Variants in CAMTA1 observed in about 807,000 individuals in gnomAD.
The protein encoded by CAMTA1 is calmodulin-binding transcription activator 1.
CAMTA1 carries 27 observed loss-of-function variants against 170.9 expected under a neutral mutation model. The observed-to-expected ratio is 0.16, with a 90% CI of 0.12 to 0.22. The LOEUF (loss-of-function observed/expected upper bound fraction) is 0.22, where lower values mean the gene tolerates loss of function less well. Among genes scored for constraint, CAMTA1 ranks in the 10% least tolerant of loss-of-function variants. The pLI is 1.00. For missense variants in CAMTA1, 1,619 were observed against 2,217.2 expected, an observed-to-expected ratio of 0.73 and a Z score of 5.42; for synonymous variants, 833 against 891.5, an observed-to-expected ratio of 0.93 and a Z score of 1.17.
intron 11 of CAMTA1, among the ~76,000 whole-genome samples, chr1:7,703,979 G>T (rs1380645396): frequency 1.3e-5 from 2 of 152,042 alleles, no homozygotes; most frequent in African/African-American, 4.8e-5. Context: ...CAGCTAAGGG[G>T]GCCCAGCGCC....
At chr1:7,453,466 C>T (rs1352385848) in intron 5 of CAMTA1, among the ~76,000 whole-genome samples, 2 of 152,232 alleles carry the variant, frequency 1.3e-5, no homozygotes, top group African/African-American at 2.4e-5. Flanking sequence ...CCAATCCTTC[C>T]AGGCCTTTCC....
At chr1:7,663,211 G>T in intron 8 of CAMTA1, 142 bp from the exon 9 acceptor site, 2 of 1,109,722 alleles carry the variant, frequency 1.8e-6, no homozygotes, top group South Asian at 4.3e-5. Flanking sequence ...CTGGGGTACC[G>T]GGCCTGGACT....
At chr1:7,263,423 G>T (rs547252563) in intron 5 of CAMTA1, among the ~76,000 whole-genome samples, 1 of 152,204 alleles carries the variant, frequency 6.6e-6, no homozygotes, top group Non-Finnish European at 1.5e-5. Flanking sequence ...GCAAAGCAAC[G>T]CTTTTTACAC....
intron 3 of CAMTA1, among the ~76,000 whole-genome samples, chr1:6,984,413 G>A (rs1305845975): frequency 6.6e-6 from 1 of 152,068 alleles, no homozygotes; most frequent in African/African-American, 2.4e-5. Flanking sequence ...AGGAGTTTGA[G>A]ACCAGCCTGG....
At chr1:7,160,550 C>A (rs1235477115) in intron 4 of CAMTA1, among the ~76,000 whole-genome samples, 2 of 152,112 alleles carry the variant, frequency 1.3e-5, no homozygotes. Flanking sequence ...ACTCCCTGAC[C>A]ACCTTCTCTC....
intron 3 of CAMTA1, among the ~76,000 whole-genome samples, chr1:6,928,519 C>T (rs1683775633): frequency 6.6e-6 from 1 of 152,096 alleles, no homozygotes; most frequent in Admixed American, 6.5e-5. Context: ...TACCTTTATT[C>T]CCATCTGCCC....
chr1:7,120,673 G>A (rs1359440454), intron 4 of CAMTA1, among the ~76,000 whole-genome samples: 1 of 152,168 alleles, frequency 6.6e-6, no homozygotes, highest in Non-Finnish European at 1.5e-5. Flanking sequence ...AACGCAGGGG[G>A]GATCTTAGGC....
At chr1:7,269,850 G>C (rs890463768) in intron 5 of CAMTA1, among the ~76,000 whole-genome samples, 5 of 152,176 alleles carry the variant, frequency 3.3e-5, no homozygotes, top group Non-Finnish European at 7.4e-5. Flanking sequence ...TGAAACTAAA[G>C]AGTCACAGAT....
intron 3 of CAMTA1, among the ~76,000 whole-genome samples, chr1:6,939,399 A>C (rs1686027122): frequency 6.6e-6 from 1 of 152,266 alleles, no homozygotes; most frequent in East Asian, 1.9e-4. Flanking sequence ...GCCTCAGTCC[A>C]GAATGTAGAA....
intron 4 of CAMTA1, among the ~76,000 whole-genome samples, chr1:7,230,608 C>A (rs532784079): frequency 6.6e-5 from 10 of 152,132 alleles, no homozygotes; most frequent in Non-Finnish European, 1.3e-4. Flanking sequence ...CTTAGGTGTG[C>A]GAGAAAATCA....
chr1:7,281,449 A>T (rs1671493407), intron 5 of CAMTA1, among the ~76,000 whole-genome samples: 1 of 152,232 alleles, frequency 6.6e-6, no homozygotes, highest in African/African-American at 2.4e-5. Flanking sequence ...CATCCCCTTG[A>T]ATTTGAATCT....
At chr1:7,739,178 A>C (rs1294838158) in intron 16 of CAMTA1, among the ~76,000 whole-genome samples, 1 of 151,626 alleles carries the variant, frequency 6.6e-6, no homozygotes, top group Non-Finnish European at 1.5e-5. Flanking sequence ...TCTCTTTCCA[A>C]CTTCCCATTG....
In CAMTA1 at chr1:7,366,977, TCTC is replaced by T. The variant is rs200689288; in HGVS notation, c.439-100849_439-100847del. Among the ~76,000 whole-genome samples, 1,153 of 152,186 alleles carry T rather than the reference TCTC, an allele frequency of 7.6e-3. 9 individuals are homozygous for T. Among genetic ancestry groups the T allele is most frequent in the Middle Eastern group, 0.024 (7 of 292 alleles). On this transcript the variant is annotated intron_variant, in intron 5 of 22. Coordinates refer to ENST00000303635, the MANE Select transcript of CAMTA1 (RefSeq NM_015215.4). The stretch of plus-strand genomic sequence containing the variant: ...TTGGCTTCACTCTGGGGCCTTCCCT[TCTC>T]CTCACCCCAGGGCTCCTGCTGCCTC...
intron 3 of CAMTA1, among the ~76,000 whole-genome samples, chr1:7,006,826 C>T (rs1699067594): frequency 6.6e-6 from 1 of 152,116 alleles, no homozygotes; most frequent in Admixed American, 6.5e-5. Context: ...TCTATGATTT[C>T]CCCCTTAACC....
intron 4 of CAMTA1, among the ~76,000 whole-genome samples, chr1:7,186,642 G>A (rs1037579997): frequency 2.6e-5 from 4 of 152,166 alleles, no homozygotes; most frequent in Admixed American, 6.5e-5. Context: ...TCATTTTGCC[G>A]GGGCTGGTTG....
chr1:7,476,364 A>G (rs1299488757), intron 6 of CAMTA1, among the ~76,000 whole-genome samples: 1 of 152,166 alleles, frequency 6.6e-6, no homozygotes, highest in Non-Finnish European at 1.5e-5. Flanking sequence ...AAGACGGTGG[A>G]TCCAGAGAAG....
At chr1:7,298,322 A>AC (rs1674270343) in intron 5 of CAMTA1, among the ~76,000 whole-genome samples, 1 of 12,256 alleles carries the variant, frequency 8.2e-5, no homozygotes, top group Admixed American at 1.1e-3. Flanking sequence ...TGCATGATCC[A>AC]CCCCCCACCC....
chr1:7,233,411 G>A (rs1008216), intron 4 of CAMTA1, among the ~76,000 whole-genome samples: 7 of 152,132 alleles, frequency 4.6e-5, no homozygotes, highest in Non-Finnish European at 1.0e-4. Context: ...GGAATGGCTG[G>A]TCCTCTTTCT....
chr1:7,614,328 C>T (rs1485239623), intron 6 of CAMTA1, among the ~76,000 whole-genome samples: 2 of 152,094 alleles, frequency 1.3e-5, no homozygotes, highest in Non-Finnish European at 2.9e-5. Flanking sequence ...CCCATTCTAG[C>T]CTCAGCCACC....
Sources: allele counts gnomAD v4.1 joint callset (sites outside exome capture counted in the v4.1 genomes callset), GRCh38; gene constraint gnomAD v4.1.1; transcripts MANE v1.5; gene names NCBI Gene and HGNC (gene_info 2026-07-23, HGNC 2026-07-21).